TTC12: variants seen among roughly 807,000 people sequenced by gnomAD.
The protein encoded by TTC12 is tetratricopeptide repeat domain 12.
A neutral mutation model predicts 90.1 loss-of-function variants in TTC12; 70 were observed. The ratio of observed to expected loss-of-function variants is 0.78; its 90% CI spans 0.64 to 0.95. The LOEUF (loss-of-function observed/expected upper bound fraction) is 0.95. Among genes scored for constraint, TTC12 ranks in the 40% least tolerant of loss-of-function variants. TTC12 has a pLI of 0.00. For synonymous variants in TTC12, 296 were observed against 311.5 expected (o/e 0.95, Z 0.53); for missense variants, 819 against 846.1 (o/e 0.97, Z 0.40).
At chr11:113,353,543 T>C (rs548769425) in intron 16 of TTC12, among the ~76,000 whole-genome samples, 1 of 152,218 alleles carries the variant, frequency 6.6e-6, no homozygotes, top group African/African-American at 2.4e-5. Context: ...TGCTCGTTCC[T>C]GTGTGTAGAA....
At chr11:113,363,485 A>T (rs1009014392) in intron 19 of TTC12, among the ~76,000 whole-genome samples, 2 of 152,204 alleles carry the variant, frequency 1.3e-5, no homozygotes, top group African/African-American at 4.8e-5. Flanking sequence ...TGGGAAAATG[A>T]CATGGGAGGG....
chr11:113,330,005 T>C, intron 7 of TTC12, 26 bp downstream of exon 7: 1 of 1,577,064 alleles, frequency 6.3e-7, no homozygotes, highest in Non-Finnish European at 8.7e-7. Flanking sequence ...TTTTCCCACA[T>C]GATAGTGTTG....
chr11:113,364,953 G>A lies in TTC12; in HGVS notation c.1935G>A (p.Thr645=), dbSNP rs367632162. ...VPNVASSLLK[T]DLLQVLLKLA... is the part of the protein sequence containing the mutation. ...ACGTTGCGTCTTCCCTGCTAAAGAC[G>A]GACCTTTTGCAGGTCTTGTTAAAGC... Residue 645 remains threonine (T), a synonymous_variant, in exon 21 of 22, where the codon ACG becomes ACA. Coordinates refer to ENST00000529221, the MANE Select transcript of TTC12 (RefSeq NM_017868.4). The A allele has an allele frequency of 1.5e-4, 248 of 1,614,116 alleles. 2 individuals carry two copies. The Admixed American group carries it at 2.8e-3, about 18-fold the overall frequency.
intron 12 of TTC12, among the ~76,000 whole-genome samples, chr11:113,343,707 TG>T (rs1565602556): frequency 6.6e-6 from 1 of 152,166 alleles, no homozygotes; most frequent in African/African-American, 2.4e-5. Context: ...TTCATGTACC[TG>T]GTCAGAAAAT....
intron 8 of TTC12, among the ~76,000 whole-genome samples, chr11:113,335,779 T>C (rs1424117345): frequency 6.6e-6 from 1 of 152,254 alleles, no homozygotes; most frequent in Non-Finnish European, 1.5e-5. Context: ...TATTGCTGAA[T>C]AATATTCCAT....
At chr11:113,358,837 C>T (rs1220301286) in intron 16 of TTC12, among the ~76,000 whole-genome samples, 1 of 152,136 alleles carries the variant, frequency 6.6e-6, no homozygotes, top group Non-Finnish European at 1.5e-5. Flanking sequence ...CAGTTCAACT[C>T]ACCCATTCCC....
At chr11:113,344,218 T>A in intron 12 of TTC12, 54 bp from the exon 13 acceptor site, 1 of 1,554,170 alleles carries the variant, frequency 6.4e-7, no homozygotes, top group Non-Finnish European at 8.8e-7. Flanking sequence ...GTGACAGAGC[T>A]AGTTTAATTG....
At chr11:113,366,504 T>G, downstream of TTC12, 1 of 787,796 alleles carries the variant, frequency 1.3e-6, no homozygotes, top group South Asian at 2.0e-5. Flanking sequence ...TTACTCGACT[T>G]CCATTGTACC....
chr11:113,315,650 A>G lies in TTC12; in HGVS notation c.-15-593A>G, dbSNP rs190540612. Among the ~76,000 whole-genome samples, 770 of 152,328 alleles carry G rather than the reference A, an allele frequency of 5.1e-3. 14 individuals are homozygous for G. Among genetic ancestry groups the G allele is most frequent in the South Asian group, 0.049 (236 of 4,826 alleles). ...TACACCACGGGGCCTTCTCGCACAAAAACAACTGTAAAATAATATCTGAGG... is the reference window on the plus strand; with the variant it reads ...TACACCACGGGGCCTTCTCGCACAAGAACAACTGTAAAATAATATCTGAGG... On this transcript the variant is annotated intron_variant, in intron 1 of 21. Transcript: ENST00000529221.
intron 19 of TTC12, among the ~76,000 whole-genome samples, chr11:113,362,970 T>A (rs1349493850): frequency 6.6e-6 from 1 of 152,122 alleles, no homozygotes; most frequent in Non-Finnish European, 1.5e-5. Flanking sequence ...GTGAGATGAG[T>A]GTGGTGAATC....
chr11:113,317,482 C>G (rs571707094), intron 2 of TTC12, among the ~76,000 whole-genome samples: 68 of 152,276 alleles, frequency 4.5e-4, no homozygotes, highest in African/African-American at 1.6e-3. Flanking sequence ...CCAGCCCTCC[C>G]TTTGTTCTGG....
intron 2 of TTC12, 70 bp from the exon 3 acceptor site, chr11:113,323,218 C>T (rs781783450): frequency 3.2e-6 from 4 of 1,242,018 alleles, no homozygotes; most frequent in Admixed American, 5.6e-5. Flanking sequence ...ATTTTATGCA[C>T]CATCCTTTCT....
At position 113,339,406 on chromosome 11, in the gene TTC12, C is replaced by T. The variant is rs1948560229; in HGVS notation, c.758C>T (p.Ser253Phe). The T allele has an allele frequency of 1.2e-6, 2 of 1,613,942 alleles. No homozygotes were observed. Among genetic ancestry groups the T allele is most frequent in the Non-Finnish European group, 1.7e-6 (2 of 1,179,984 alleles). Residue 253 changes from serine to phenylalanine, a missense_variant, in exon 10 of 22, where the codon TCC becomes TTC. Transcript: ENST00000529221. The stretch of plus-strand genomic sequence containing the variant: ...ACCAAGAACCTCCTGGAGACCCTTT[C>T]CAAGCCTGACCAGATCCCCTTGTTC... ...VTTKNLLETL[S>F]KPDQIPLFYA...
At chr11:113,346,334 T>C (rs1042910046) in intron 13 of TTC12, among the ~76,000 whole-genome samples, 2 of 152,208 alleles carry the variant, frequency 1.3e-5, no homozygotes, top group African/African-American at 4.8e-5. Flanking sequence ...GTGATGCAGT[T>C]GAATTTTTTC....
At position 113,358,604 on chromosome 11, in the gene TTC12, C is replaced by A. The variant is rs1397973755; in HGVS notation, c.1447-759C>A. On this transcript the variant is annotated intron_variant, in intron 16 of 21. Transcript: ENST00000529221. ...GATGATTCCCCGAGGGCTAAAGTCT[C>A]CTGTGGGAGCAAGTTGAGCCTAGTG... 2.7e-5 allele frequency among the ~76,000 whole-genome samples: 4 copies of A among 150,138 alleles called. No individual in the cohort carries two copies. In the East Asian group the frequency reaches 7.7e-4, roughly 29 times the overall value.
At chr11:113,341,452 A>G (rs576645742) in intron 11 of TTC12, among the ~76,000 whole-genome samples, 71 of 152,318 alleles carry the variant, frequency 4.7e-4, no homozygotes, top group Middle Eastern at 3.4e-3. Flanking sequence ...AAAGACCTGT[A>G]TGGTAGGATG....
chr11:113,330,696 C>T (rs374049406), intron 7 of TTC12, among the ~76,000 whole-genome samples: 3 of 152,320 alleles, frequency 2.0e-5, no homozygotes, highest in South Asian at 4.1e-4. Context: ...GACTTCTGCA[C>T]TATGCTGCTA....
Position 113,361,410 on chromosome 11 carries a change from T to C in TTC12, c.1615-991T>C, listed in dbSNP as rs1371392020. ...GAACAGCTGCAAGGGTGGTAATTAA[T>C]GAGGCAGGGCTGAGGAAACCTTTGT... is the stretch of plus-strand genomic sequence containing the variant. On this transcript the variant is annotated intron_variant, in intron 18 of 21. Coordinates refer to ENST00000529221, the MANE Select transcript of TTC12 (RefSeq NM_017868.4). Among the ~76,000 whole-genome samples the C allele has an allele frequency of 2.0e-4, 31 of 152,180 alleles. 1 individual carries two copies. The highest frequency in any genetic ancestry group is 2.0e-3 in the Admixed American group (31 of 15,274).
chr11:113,366,360 A>G lies in TTC12; in HGVS notation c.*60A>G, dbSNP rs1210502395. On this transcript the variant is annotated 3_prime_UTR_variant, in exon 22 of 22. Transcript: ENST00000529221. ...CAGATGCACACCGTGTGTTGTTCCT[A>G]TGCTAATAAAGACCTTTGATGTATC... is the stretch of plus-strand genomic sequence containing the variant. The G allele has an allele frequency of 9.3e-6, 15 of 1,606,010 alleles. No homozygotes were observed. The highest frequency in any genetic ancestry group is 3.3e-5 in the Admixed American group (2 of 59,906).
Sources: allele counts gnomAD v4.1 joint callset (sites outside exome capture counted in the v4.1 genomes callset), GRCh38; gene constraint gnomAD v4.1.1; transcripts MANE v1.5; gene names NCBI Gene and HGNC (gene_info 2026-07-23, HGNC 2026-07-21).